The following GRM3 variants were observed in gnomAD, a reference collection of about 807,000 sequenced individuals.
The protein encoded by GRM3 is metabotropic glutamate receptor 3.
In GRM3, 26 loss-of-function variants were observed where a neutral mutation model predicts 70.5. The observed-to-expected ratio is 0.37, with a 90% CI of 0.27 to 0.51. The LOEUF (loss-of-function observed/expected upper bound fraction) is 0.51. Among genes scored for constraint, GRM3 ranks in the 20% least tolerant of loss-of-function variants. GRM3 has a pLI of 0.93. For synonymous variants in GRM3, 443 were observed against 434.9 expected (o/e 1.02, Z -0.23); for missense variants, 859 against 1,123.8 (o/e 0.76, Z 3.37).
chr7:86,651,901 C>G (rs531843253), intron 1 of GRM3, among the ~76,000 whole-genome samples: 4 of 152,268 alleles, frequency 2.6e-5, no homozygotes, highest in African/African-American at 7.2e-5. Flanking sequence ...AAATTTTAAA[C>G]TGAAGTATTT....
chr7:86,650,308 A>T (rs1793573284), intron 1 of GRM3, among the ~76,000 whole-genome samples: 1 of 152,132 alleles, frequency 6.6e-6, no homozygotes, highest in African/African-American at 2.4e-5. Flanking sequence ...TTCTTATTCT[A>T]AGACCTATTT....
At chr7:86,818,957 A>C (rs572252004) in intron 3 of GRM3, among the ~76,000 whole-genome samples, 1 of 152,220 alleles carries the variant, frequency 6.6e-6, no homozygotes, top group South Asian at 2.1e-4. Flanking sequence ...CAGATCTCTA[A>C]TCAGAAGTGG....
At chr7:86,658,343 T>A (rs564704444) in intron 1 of GRM3, among the ~76,000 whole-genome samples, 1 of 152,294 alleles carries the variant, frequency 6.6e-6, no homozygotes, top group South Asian at 2.1e-4. Flanking sequence ...GTGTCGAGAT[T>A]CATGTCTCAT....
chr7:86,706,994 T>C (rs1442554596), intron 1 of GRM3, among the ~76,000 whole-genome samples: 2 of 152,104 alleles, frequency 1.3e-5, no homozygotes, highest in Non-Finnish European at 2.9e-5. Flanking sequence ...TCTGCTGCTT[T>C]TTAAAATTTT....
At chr7:86,705,368 T>C (rs1197418351) in intron 1 of GRM3, among the ~76,000 whole-genome samples, 10 of 152,154 alleles carry the variant, frequency 6.6e-5, no homozygotes. Flanking sequence ...CACCAACATA[T>C]AGTTTCCCTC....
At chr7:86,735,060 A>G (rs1214689476) in intron 1 of GRM3, among the ~76,000 whole-genome samples, 2 of 152,230 alleles carry the variant, frequency 1.3e-5, no homozygotes, top group East Asian at 3.8e-4. Context: ...TTATTTGCAT[A>G]TGAAGCTGGA....
At chr7:86,836,594 A>C (rs1798461640) in intron 3 of GRM3, among the ~76,000 whole-genome samples, 1 of 152,192 alleles carries the variant, frequency 6.6e-6, no homozygotes, top group Non-Finnish European at 1.5e-5. Context: ...AGGTTTGGAT[A>C]AAGCAGTAGG....
At chr7:86,809,640 T>C (rs772866716) in intron 3 of GRM3, among the ~76,000 whole-genome samples, 1 of 152,024 alleles carries the variant, frequency 6.6e-6, no homozygotes, top group Non-Finnish European at 1.5e-5. Context: ...TGTTATGTCA[T>C]TTCACAACAA....
chr7:86,767,513 T>TTA (rs1796629611), intron 2 of GRM3, among the ~76,000 whole-genome samples: 2 of 86,316 alleles, frequency 2.3e-5, no homozygotes, highest in African/African-American at 8.3e-5. Context: ...CGGTCATACT[T>TTA]CATATATATA....
At chr7:86,736,315 T>C (rs1223971537) in intron 1 of GRM3, among the ~76,000 whole-genome samples, 2 of 152,136 alleles carry the variant, frequency 1.3e-5, no homozygotes, top group African/African-American at 4.8e-5. Context: ...GTGCCTTAAC[T>C]CAAAGTGGGT....
At chr7:86,828,918 T>A (rs953251773) in intron 3 of GRM3, among the ~76,000 whole-genome samples, 8 of 152,238 alleles carry the variant, frequency 5.3e-5, no homozygotes, top group Non-Finnish European at 1.2e-4. Context: ...TTATGTAATA[T>A]TCTAAATCCT....
intron 3 of GRM3, among the ~76,000 whole-genome samples, chr7:86,791,555 G>A (rs1227048291): frequency 1.3e-5 from 2 of 152,136 alleles, no homozygotes; most frequent in Non-Finnish European, 2.9e-5. Flanking sequence ...GGCCAGGACT[G>A]TTAGCTCGTT....
chr7:86,651,808 G>A (rs1040248517), intron 1 of GRM3, among the ~76,000 whole-genome samples: 1 of 152,102 alleles, frequency 6.6e-6, no homozygotes, highest in South Asian at 2.1e-4. Flanking sequence ...TGAAAAAAAT[G>A]TTTTGAGGAA....
In GRM3 at chr7:86,765,182, G is replaced by A. The variant is rs1796570150; in HGVS notation, c.37G>A (p.Ala13Thr). The A allele has an allele frequency of 1.3e-6, 2 of 1,599,658 alleles. No individual in the cohort carries two copies. The highest frequency in any genetic ancestry group is 1.7e-6 in the Non-Finnish European group (2 of 1,175,164). Reference sequence around the variant, plus strand: ...GACAAGACTGCAAGTTCTTACCTTAGCTTTGTTTTCAAAGGGATTTTTACT... The same window carrying A: ...GACAAGACTGCAAGTTCTTACCTTAACTTTGTTTTCAAAGGGATTTTTACT... ...MLTRLQVLTL[A>T]LFSKGFLLSL... Residue 13 changes from alanine (A) to threonine (T), a missense_variant, in exon 2 of 6, where the codon GCT becomes ACT. Transcript: ENST00000361669.
At chr7:86,765,663 T>A (rs1369205570) in intron 2 of GRM3, 50 bp downstream of exon 2, 1 of 1,512,212 alleles carries the variant, frequency 6.6e-7, no homozygotes, top group African/African-American at 1.4e-5. Flanking sequence ...TTTGCTTTTA[T>A]GTGTTGGGGG....
rs113991571 is a variant in GRM3 at position 86,799,397 on chromosome 7, TAGAG to T, written c.1324+12288_1324+12291del. Among the ~76,000 whole-genome samples the T allele has an allele frequency of 5.2e-3, 784 of 152,230 alleles. 5 individuals carry two copies. Among genetic ancestry groups the T allele is most frequent in the African/African-American group, 0.018 (730 of 41,508 alleles). ...CTTCCAATAATATGTTTGATAGGAG[TAGAG>T]AGAGAGGGCATCCTTGTCTTGTGCC... On this transcript the variant is annotated intron_variant, in intron 3 of 5. Coordinates refer to ENST00000361669, the MANE Select transcript of GRM3 (RefSeq NM_000840.3).
intron 1 of GRM3, among the ~76,000 whole-genome samples, chr7:86,662,172 T>C (rs1303850768): frequency 6.6e-6 from 1 of 151,954 alleles, no homozygotes; most frequent in Non-Finnish European, 1.5e-5. Context: ...TCATGTATTT[T>C]TTTAAGTTCA....
chr7:86,800,145 T>C (rs555722223), intron 3 of GRM3, among the ~76,000 whole-genome samples: 1 of 152,278 alleles, frequency 6.6e-6, no homozygotes, highest in African/African-American at 2.4e-5. Context: ...TACAGCAGTT[T>C]TAAGAGGGAA....
chr7:86,841,876 G>T (rs1338822009), intron 4 of GRM3, among the ~76,000 whole-genome samples: 2 of 152,154 alleles, frequency 1.3e-5, no homozygotes, highest in Non-Finnish European at 2.9e-5. Flanking sequence ...CATAGAAGAA[G>T]TCATAAGGCA....
Sources: allele counts gnomAD v4.1 joint callset (sites outside exome capture counted in the v4.1 genomes callset), GRCh38; gene constraint gnomAD v4.1.1; transcripts MANE v1.5; gene names NCBI Gene and HGNC (gene_info 2026-07-23, HGNC 2026-07-21).